PLA2R1: variants seen among roughly 807,000 people sequenced by gnomAD.
The protein encoded by PLA2R1 is secretory phospholipase A2 receptor.
In PLA2R1, 158 loss-of-function variants were observed where a neutral mutation model predicts 195.9. The ratio of observed to expected loss-of-function variants is 0.81; its 90% confidence interval spans 0.71 to 0.92. The LOEUF (loss-of-function observed/expected upper bound fraction) is 0.92, where lower values mean the gene tolerates loss of function less well. Ranked by LOEUF, PLA2R1 falls within the 40% of genes least tolerant of loss-of-function variation. The pLI is 0.00. For synonymous variants in PLA2R1, 586 were observed against 598.2 expected, an observed-to-expected ratio of 0.98 and a Z score of 0.30; for missense variants, 1,626 against 1,764.6, an observed-to-expected ratio of 0.92 and a Z score of 1.41.
chr2:159,987,642 T>C (rs1391755084), intron 11 of PLA2R1, among the ~76,000 whole-genome samples: 1 of 152,176 alleles, frequency 6.6e-6, no homozygotes, highest in East Asian at 1.9e-4. Flanking sequence ...CTAGGAGCTA[T>C]TCCTATCTGG....
rs780995017 is a variant in PLA2R1 at position 159,955,833 on chromosome 2, AAAACAGG to A, written c.3023-12_3023-6del. 14 of 1,586,234 alleles carry A rather than the reference AAAACAGG, an allele frequency of 8.8e-6. No individual in the cohort carries two copies. In the African/African-American group the frequency reaches 1.6e-4, roughly 18 times the overall value. ...AAAGATTCATAGTAATGAAAGCTGA[AAAACAGG>A]AATACATTATCTAATTTAATACTGT... On this transcript the variant is annotated splice_polypyrimidine_tract_variant and splice_region_variant and intron_variant, in intron 21 of 29. Coordinates refer to ENST00000283243, the MANE Select transcript of PLA2R1 (RefSeq NM_007366.5).
intron 6 of PLA2R1, among the ~76,000 whole-genome samples, chr2:160,026,413 C>G (rs1358178522): frequency 6.6e-6 from 1 of 152,108 alleles, no homozygotes; most frequent in Non-Finnish European, 1.5e-5. Context: ...CTGATGACTT[C>G]CTTTAAAATG....
rs1048314792 is a variant in PLA2R1, at chr2:159,935,423, G to A, written c.*6355C>T. 3.3e-5 allele frequency: 5 copies of A among 152,174 alleles called. No homozygotes were observed. Among genetic ancestry groups the A allele is most frequent in the Non-Finnish European group, 5.9e-5 (4 of 68,028 alleles). The allele number at this position is 152,174 out of a possible 1,614,324, so 9.4% of individuals were successfully genotyped here. ...CATTTATCAATTGGAATTTACTGGG[G>A]AGAAGAACTGTTTCTTCTTTTCATT... On this transcript the variant is annotated 3_prime_UTR_variant, in exon 30 of 30. Coordinates refer to ENST00000283243, the MANE Select transcript of PLA2R1 (RefSeq NM_007366.5).
rs771196735 is a variant in PLA2R1, at chr2:159,951,369, C to T, written c.3511G>A (p.Ala1171Thr). 1 of 1,609,698 alleles carries T rather than the reference C, an allele frequency of 6.2e-7. No homozygotes were observed. Among genetic ancestry groups the T allele is most frequent in the Non-Finnish European group, 8.5e-7 (1 of 1,176,066 alleles). Residue 1171 changes from alanine (A) to threonine (T), a missense_variant, in exon 24 of 30, where the codon GCC becomes ACC. By Grantham distance (58) the Ala-to-Thr change is moderately conservative. Transcript: ENST00000283243. ...GTGGTGAACAGTCCAATCCAGTGGG[C>T]ATATCCTAGCCGGTTGAGGACAACA... is the stretch of plus-strand genomic sequence containing the variant. Reference protein sequence around the residue: ...LTVVLNRLGYAHWIGLFTTDN... With the variant: ...LTVVLNRLGYTHWIGLFTTDN...
At chr2:160,005,249 G>T (rs1043363163) in intron 11 of PLA2R1, among the ~76,000 whole-genome samples, 1 of 152,114 alleles carries the variant, frequency 6.6e-6, no homozygotes, top group Non-Finnish European at 1.5e-5. Context: ...GAGCCCAGGA[G>T]TTCAATATCA....
chr2:159,967,670 C>G lies in PLA2R1; in HGVS notation c.2773G>C (p.Gly925Arg). 6.2e-7 allele frequency: 1 copy of G among 1,613,380 alleles called. No homozygotes were observed. Among genetic ancestry groups the G allele is most frequent in the Non-Finnish European group, 8.5e-7 (1 of 1,179,640 alleles). Residue 925 changes from glycine (G) to arginine (R), a missense_variant, in exon 20 of 30, where the codon GGT becomes CGT. Physicochemically the swap from Gly to Arg is moderately radical, Grantham distance 125. Coordinates refer to ENST00000283243, the MANE Select transcript of PLA2R1 (RefSeq NM_007366.5). ...ATAGAAACTGAACACTCTTCACTAC[C>G]CCAGAGTCCTGGAGGAGAAAATGGG... Reference protein sequence around the residue: ...GFISSITGLWGSEECSVSMPS... With the variant: ...GFISSITGLWRSEECSVSMPS...
chr2:159,991,024 G>A (rs570807726), intron 11 of PLA2R1, among the ~76,000 whole-genome samples: 6 of 152,352 alleles, frequency 3.9e-5, no homozygotes, highest in South Asian at 2.1e-4. Context: ...GGCCACAAAC[G>A]TAGTAGGCTT....
intron 12 of PLA2R1, among the ~76,000 whole-genome samples, chr2:159,986,655 C>T (rs1186488229): frequency 6.6e-6 from 1 of 151,344 alleles, no homozygotes; most frequent in Non-Finnish European, 1.5e-5. Flanking sequence ...GGCGCAGTCT[C>T]GGCTCACTGC....
intron 17 of PLA2R1, 34 bp downstream of exon 17, chr2:159,976,032 ACT>A (rs1236742046): frequency 2.5e-6 from 4 of 1,572,622 alleles, no homozygotes; most frequent in Non-Finnish European, 3.5e-6. Flanking sequence ...AAGGTGCTAA[ACT>A]CTGAATTTTT....
Position 159,935,294 on chromosome 2 carries a change from T to C in PLA2R1, c.*6484A>G, listed in dbSNP as rs1038331469. On this transcript the variant is annotated 3_prime_UTR_variant, in exon 30 of 30. Coordinates refer to ENST00000283243, the MANE Select transcript of PLA2R1 (RefSeq NM_007366.5). Reference sequence around the variant, plus strand: ...GGTTATGCAAATATTCTGTTTTTCCTCAAACATTCACCCACTAACTTTTGC... The same window carrying C: ...GGTTATGCAAATATTCTGTTTTTCCCCAAACATTCACCCACTAACTTTTGC... 6.6e-6 allele frequency: 1 copy of C among 152,252 alleles called. No homozygotes were observed. The highest frequency in any genetic ancestry group is 1.5e-5 in the Non-Finnish European group (1 of 68,040). The allele number at this position is 152,252 out of a possible 1,614,324, so 9.4% of individuals were successfully genotyped here.
intron 1 of PLA2R1, among the ~76,000 whole-genome samples, chr2:160,056,489 C>T (rs1695556994): frequency 6.6e-6 from 1 of 152,202 alleles, no homozygotes; most frequent in African/African-American, 2.4e-5. Context: ...AAGAATAGGT[C>T]CATCTCCAAA....
chr2:159,968,134 C>T (rs1423830649), intron 19 of PLA2R1, among the ~76,000 whole-genome samples: 1 of 151,422 alleles, frequency 6.6e-6, no homozygotes, highest in African/African-American at 2.4e-5. Context: ...TCCAAGAAAA[C>T]AGCATTTAAT....
At chr2:159,956,351 G>C (rs1688085484) in intron 21 of PLA2R1, among the ~76,000 whole-genome samples, 159 bp downstream of exon 21, 1 of 152,154 alleles carries the variant, frequency 6.6e-6, no homozygotes, top group Non-Finnish European at 1.5e-5. Context: ...CAGATATCAT[G>C]AAATAAAACC....
chr2:159,970,981 T>G (rs1689126207), intron 17 of PLA2R1, among the ~76,000 whole-genome samples: 1 of 151,940 alleles, frequency 6.6e-6, no homozygotes, highest in African/African-American at 2.4e-5. Context: ...AGGGATAGCA[T>G]TAGGGGAAAT....
Position 159,940,317 on chromosome 2 carries a change from A to C in PLA2R1, c.*1461T>G, listed in dbSNP as rs948922536. On this transcript the variant is annotated 3_prime_UTR_variant, in exon 30 of 30. Transcript: ENST00000283243. Reference sequence around the variant, plus strand: ...TGCATTTCTTTACTGAGTTACTGTCAATTTTCCCTCATTAGAAAATAAGTG... The same window carrying C: ...TGCATTTCTTTACTGAGTTACTGTCCATTTTCCCTCATTAGAAAATAAGTG... The C allele has an allele frequency of 3.9e-5, 6 of 152,214 alleles. No homozygotes were observed. The highest frequency in any genetic ancestry group is 1.4e-4 in the African/African-American group (6 of 41,462). The allele number at this position is 152,214 out of a possible 1,614,324, so 9.4% of individuals were successfully genotyped here. A position where few individuals can be genotyped will look rare whatever the true frequency, so the allele number is the denominator to read the frequency against.
At chr2:160,020,584 C>G (rs1693042851) in intron 7 of PLA2R1, among the ~76,000 whole-genome samples, 1 of 152,042 alleles carries the variant, frequency 6.6e-6, no homozygotes, top group Non-Finnish European at 1.5e-5. Flanking sequence ...AATGGATTAA[C>G]TAGTTCTCAT....
chr2:159,951,098 T>C (rs1687709951), intron 24 of PLA2R1, among the ~76,000 whole-genome samples: 1 of 152,198 alleles, frequency 6.6e-6, no homozygotes. Flanking sequence ...CTTTGAATGG[T>C]ATTAATTTCC....
At chr2:160,036,824 C>T (rs1241911786) in intron 3 of PLA2R1, among the ~76,000 whole-genome samples, 1 of 152,216 alleles carries the variant, frequency 6.6e-6, no homozygotes. Context: ...CAATAGTGAG[C>T]TGAGCTGAAC....
At chr2:160,000,051 T>C (rs997014440) in intron 11 of PLA2R1, among the ~76,000 whole-genome samples, 2 of 152,174 alleles carry the variant, frequency 1.3e-5, no homozygotes, top group Non-Finnish European at 1.5e-5. Flanking sequence ...ACTACCTTCC[T>C]AGTGGGATTT....
Sources: gnomAD v4.1 joint callset for allele counts (sites outside exome capture counted in the v4.1 genomes callset) on GRCh38, gnomAD v4.1.1 for gene constraint, MANE v1.5 for transcripts, NCBI Gene and HGNC (gene_info 2026-07-23, HGNC 2026-07-21) for gene names.